PTBP2: variants seen among roughly 807,000 people sequenced by gnomAD.
PTBP2 encodes the protein polypyrimidine tract-binding protein 2.
In PTBP2, 13 loss-of-function variants were observed where a neutral mutation model predicts 61.4. The observed-to-expected ratio is 0.21, with a 90% CI of 0.14 to 0.34. The LOEUF is 0.34. Among genes scored for constraint, PTBP2 ranks in the 10% least tolerant of loss-of-function variants. PTBP2 has a pLI of 1.00. For synonymous variants in PTBP2, 215 were observed against 218.5 expected (o/e 0.98, Z 0.14); for missense variants, 405 against 642.6 (o/e 0.63, Z 4.00).
intron 3 of PTBP2, among the ~76,000 whole-genome samples, chr1:96,753,979 A>G (rs959788215): frequency 3.3e-5 from 5 of 152,180 alleles, no homozygotes; most frequent in African/African-American, 9.6e-5. Flanking sequence ...TAAAACATCT[A>G]TCTGTTTGAG....
At chr1:96,765,735 G>GATAGATAGATAGATAGATAC (rs1351056585) in intron 3 of PTBP2, among the ~76,000 whole-genome samples, 10 of 152,014 alleles carry the variant, frequency 6.6e-5, no homozygotes, top group African/African-American at 2.2e-4. Context: ...TAGATAGATA[G>GATAGATAGATAGATAGATAC]ATAGATAGAT....
intron 5 of PTBP2, among the ~76,000 whole-genome samples, chr1:96,771,834 C>T (rs1172577811): frequency 6.6e-6 from 1 of 152,030 alleles, no homozygotes; most frequent in Admixed American, 6.6e-5. Flanking sequence ...TTAACATATT[C>T]ATCTCTTCAG....
At chr1:96,761,346 A>ATG (rs57451223) in intron 3 of PTBP2, among the ~76,000 whole-genome samples, 13,306 of 140,362 alleles carry the variant, frequency 0.095, 647 homozygotes, top group East Asian at 0.13. Flanking sequence ...GTGGGATTTG[A>ATG]TGTGTGTGTG....
chr1:96,788,780 A>G (rs1381572764), intron 8 of PTBP2, among the ~76,000 whole-genome samples: 1 of 152,040 alleles, frequency 6.6e-6, no homozygotes. Flanking sequence ...ATAAATTTTA[A>G]TTGATTTATT....
intron 1 of PTBP2, among the ~76,000 whole-genome samples, chr1:96,722,117 C>T (rs1649659801): frequency 6.6e-6 from 1 of 152,048 alleles, no homozygotes; most frequent in South Asian, 2.1e-4. Flanking sequence ...GGTGAGGATC[C>T]CGGAGTGGGA....
At chr1:96,722,706 C>G (rs919900570) in intron 1 of PTBP2, among the ~76,000 whole-genome samples, 5 of 152,192 alleles carry the variant, frequency 3.3e-5, no homozygotes, top group African/African-American at 1.2e-4. Flanking sequence ...ATCTCTTTAG[C>G]TACTTTGGTC....
At chr1:96,792,016 T>G (rs1481948194) in intron 8 of PTBP2, among the ~76,000 whole-genome samples, 3 of 151,838 alleles carry the variant, frequency 2.0e-5, no homozygotes, top group Admixed American at 1.3e-4. Context: ...TCATATTTTT[T>G]TTAGTAGAGA....
chr1:96,769,850 T>G lies in PTBP2; in HGVS notation c.263T>G (p.Ile88Ser). The change falls in exon 4 of 14, where the codon ATC (isoleucine) becomes AGC (serine). Residue 88 changes from isoleucine to serine, a missense_variant. Physicochemically the swap from Ile to Ser is moderately radical, Grantham distance 142. Transcript: ENST00000674951. ...TTACCTTTTGGTAAGGTGACCAACA[T>G]CCTTATGCTGAAAGGAAAAAATCAG... is the stretch of plus-strand genomic sequence containing the variant. Reference protein sequence around the residue: ...LGLPFGKVTNILMLKGKNQAF... With the variant: ...LGLPFGKVTNSLMLKGKNQAF... 6.3e-7 allele frequency: 1 copy of G among 1,595,560 alleles called. No homozygotes were observed. The highest frequency in any genetic ancestry group is 8.5e-7 in the Non-Finnish European group (1 of 1,172,368).
In PTBP2 at chr1:96,729,460, G is replaced by A. The variant is rs577907174; in HGVS notation, c.39+5866G>A. ...GTACAATGTTTAATAGAAGTGTTGA[G>A]AGAATATCTTTTCCTTGCTCCTGAT... On this transcript the variant is annotated intron_variant, in intron 2 of 13. Transcript: ENST00000674951. 2.4e-4 allele frequency among the ~76,000 whole-genome samples: 36 copies of A among 152,214 alleles called. No individual in the cohort carries two copies. In the South Asian group the frequency reaches 6.8e-3, roughly 29 times the overall value.
chr1:96,810,063 C>T (rs568654481), intron 11 of PTBP2, among the ~76,000 whole-genome samples: 3 of 147,856 alleles, frequency 2.0e-5, no homozygotes, highest in East Asian at 4.0e-4. Flanking sequence ...TGATAAAGCT[C>T]CAGTTTCCAC....
At chr1:96,752,569 A>G (rs1654684971) in intron 3 of PTBP2, among the ~76,000 whole-genome samples, 1 of 152,176 alleles carries the variant, frequency 6.6e-6, no homozygotes, top group Non-Finnish European at 1.5e-5. Context: ...TTACAAAGCA[A>G]AATCACTGGG....
intron 5 of PTBP2, among the ~76,000 whole-genome samples, chr1:96,773,907 G>A (rs2101027599): frequency 6.7e-6 from 1 of 150,118 alleles, no homozygotes; most frequent in East Asian, 2.0e-4. Context: ...AGCTTGCAGT[G>A]AGCCGAGATC....
chr1:96,770,908 A>C, intron 5 of PTBP2, 57 bp downstream of exon 5: 1 of 1,406,076 alleles, frequency 7.1e-7, no homozygotes, highest in Non-Finnish European at 1.0e-6. Context: ...GAATCTCATA[A>C]ACATTAATAG....
chr1:96,805,065 A>G (rs1464418878), intron 9 of PTBP2, 126 bp downstream of exon 9: 1 of 709,916 alleles, frequency 1.4e-6, no homozygotes, highest in Admixed American at 3.4e-5. Flanking sequence ...TATTTTCTGT[A>G]TGTTTCTACT....
chr1:96,791,908 A>G (rs2101106886), intron 8 of PTBP2, among the ~76,000 whole-genome samples: 1 of 135,234 alleles, frequency 7.4e-6, no homozygotes, highest in South Asian at 2.3e-4. Context: ...ATCTCGGCTC[A>G]CTGCAAGCTC....
intron 8 of PTBP2, among the ~76,000 whole-genome samples, chr1:96,792,011 T>TG (rs1181259992): frequency 6.6e-6 from 1 of 151,322 alleles, no homozygotes; most frequent in African/African-American, 2.4e-5. Flanking sequence ...TTTCTTCATA[T>TG]TTTTTTTAGT....
At chr1:96,777,775 A>G (rs1168413333) in intron 6 of PTBP2, 26 bp downstream of exon 6, 3 of 1,555,234 alleles carry the variant, frequency 1.9e-6, no homozygotes, top group Middle Eastern at 1.7e-4. Context: ...ATAATTACCT[A>G]TAAATTAGAG....
chr1:96,751,902 A>C lies in PTBP2; in HGVS notation c.115+402A>C, dbSNP rs546001551. Among the ~76,000 whole-genome samples the C allele has an allele frequency of 9.1e-4, 138 of 152,162 alleles. 2 individuals carry two copies. In the South Asian group the frequency reaches 0.01, roughly 11 times the overall value. ...TAAGTAAAAACCGAAGAATTCAGCTACATAGTTGTTTAAAACCATTGCAAC... is the reference window on the plus strand; with the variant it reads ...TAAGTAAAAACCGAAGAATTCAGCTCCATAGTTGTTTAAAACCATTGCAAC... On this transcript the variant is annotated intron_variant, in intron 3 of 13. Coordinates refer to ENST00000674951, the MANE Select transcript of PTBP2 (RefSeq NM_021190.4).
chr1:96,759,604 A>G (rs1378590621), intron 3 of PTBP2, among the ~76,000 whole-genome samples: 2 of 152,200 alleles, frequency 1.3e-5, no homozygotes, highest in African/African-American at 2.4e-5. Flanking sequence ...AAAGCATAGG[A>G]TATACTTGCA....
Sources: gnomAD v4.1 joint callset for allele counts (sites outside exome capture counted in the v4.1 genomes callset) on GRCh38, gnomAD v4.1.1 for gene constraint, MANE v1.5 for transcripts, NCBI Gene and HGNC (gene_info 2026-07-23, HGNC 2026-07-21) for gene names.